TRNAU1AP: variants seen among roughly 807,000 people sequenced by gnomAD.
TRNAU1AP encodes tRNA selenocysteine 1-associated protein 1.
Under a neutral mutation model 43.3 loss-of-function variants are expected in TRNAU1AP, and 33 were observed. That is an observed-to-expected ratio of 0.76 (90% CI 0.58 to 1.02). The LOEUF is 1.02. Ranked by LOEUF, TRNAU1AP falls within the 50% of genes least tolerant of loss-of-function variation. The pLI, the probability that TRNAU1AP is intolerant of heterozygous loss-of-function variation, is 0.00. For synonymous variants in TRNAU1AP, 143 were observed against 129.1 expected (o/e 1.11, Z -0.73); for missense variants, 290 against 362.7 (o/e 0.80, Z 1.63).
At chr1:28,573,326 G>GC (rs1182534215) in intron 8 of TRNAU1AP, among the ~76,000 whole-genome samples, 2 of 145,150 alleles carry the variant, frequency 1.4e-5, no homozygotes, top group Non-Finnish European at 1.5e-5. Context: ...ACCGTGCCCA[G>GC]CCCATTATTA....
chr1:28,571,495 T>C lies in TRNAU1AP; in HGVS notation c.693+157T>C, dbSNP rs1665660638. Among the ~76,000 whole-genome samples the C allele has an allele frequency of 3.3e-5, 5 of 152,128 alleles. 1 individual carries two copies. The South Asian group carries it at 1.0e-3, about 32-fold the overall frequency. ...AGTTCCTCTTGTTAAAAATAAGCCA[T>C]TGTGGGTAGGGCCCAGTGGCTCACA... On this transcript the variant is annotated intron_variant, in intron 7 of 8. Coordinates refer to ENST00000373830, the MANE Select transcript of TRNAU1AP (RefSeq NM_017846.5).
intron 8 of TRNAU1AP, among the ~76,000 whole-genome samples, chr1:28,572,288 G>C (rs1370516676): frequency 6.6e-6 from 1 of 152,136 alleles, no homozygotes; most frequent in Non-Finnish European, 1.5e-5. Flanking sequence ...CCACCTGCCA[G>C]GTTCAAGCAA....
intron 6 of TRNAU1AP, among the ~76,000 whole-genome samples, chr1:28,568,327 C>T (rs533315819): frequency 6.6e-6 from 1 of 152,280 alleles, no homozygotes; most frequent in Admixed American, 6.5e-5. Context: ...ATCTCAAAGT[C>T]ACCCAGGCTG....
At position 28,553,256 on chromosome 1, in the gene TRNAU1AP, G is replaced by C. The variant is rs552108746; in HGVS notation, c.27+119G>C. On this transcript the variant is annotated intron_variant, in intron 1 of 8. Coordinates refer to ENST00000373830, the MANE Select transcript of TRNAU1AP (RefSeq NM_017846.5). ...CAGAAAGGGGAGACGTGTGACGGGG[G>C]TTCTTTTTGGTGACACAGAAGCGGG... The C allele has an allele frequency of 5.5e-4, 632 of 1,145,206 alleles. 1 individual carries two copies. The African/African-American group carries it at 9.3e-3, about 17-fold the overall frequency. 70.9% of individuals were successfully genotyped at this position (1,145,206 alleles called of 1,614,324 possible). A position where few individuals can be genotyped will look rare whatever the true frequency, so the allele number is the denominator to read the frequency against.
intron 6 of TRNAU1AP, among the ~76,000 whole-genome samples, chr1:28,570,048 C>T (rs1178144023): frequency 3.3e-5 from 5 of 151,992 alleles, no homozygotes; most frequent in Admixed American, 6.6e-5. Flanking sequence ...CTGTGGCTCA[C>T]GCCTGTAATC....
In TRNAU1AP at chr1:28,556,056, TGTTAGCCAGATG is replaced by T. The variant is rs1665255634; in HGVS notation, c.125+2322_125+2333del. On this transcript the variant is annotated intron_variant, in intron 2 of 8. Transcript: ENST00000373830. ...TTTTAGTAGAGATGGGGTTTCACCA[TGTTAGCCAGATG>T]GTCTCAATCTCATGACCTCGTGATC... Among the ~76,000 whole-genome samples, 4 of 152,224 alleles carry T rather than the reference TGTTAGCCAGATG, an allele frequency of 2.6e-5. No individual in the cohort carries two copies. In the South Asian group the frequency reaches 6.2e-4, roughly 24 times the overall value.
chr1:28,577,362 G>T, intron 8 of TRNAU1AP, 138 bp from the exon 9 acceptor site: 1 of 879,512 alleles, frequency 1.1e-6, no homozygotes, highest in Non-Finnish European at 1.8e-6. Context: ...ACCCTGCAAG[G>T]CAGTGCTTTC....
At chr1:28,576,147 C>T (rs2124221659) in intron 8 of TRNAU1AP, among the ~76,000 whole-genome samples, 1 of 146,970 alleles carries the variant, frequency 6.8e-6, no homozygotes, top group South Asian at 2.1e-4. Context: ...GCATGAGCCA[C>T]AGTGCCCAGT....
chr1:28,554,550 T>TA (rs1481498825), intron 2 of TRNAU1AP, among the ~76,000 whole-genome samples: 2 of 152,008 alleles, frequency 1.3e-5, no homozygotes, highest in Non-Finnish European at 2.9e-5. Flanking sequence ...CTTGAAGAGT[T>TA]ACAATAAATA....
chr1:28,567,346 A>C lies in TRNAU1AP; in HGVS notation c.463A>C (p.Thr155Pro). 1 of 1,613,816 alleles carries C rather than the reference A, an allele frequency of 6.2e-7. No individual in the cohort carries two copies. The highest frequency in any genetic ancestry group is 1.7e-5 in the Admixed American group (1 of 59,902). The part of the protein sequence containing the change: ...TDELEQKRAL[T>P]ECQGAVGLGS... The stretch of plus-strand genomic sequence containing the variant: ...TGAACTGGAACAGAAGCGAGCCCTG[A>C]CGGAGTGCCAGGGAGCAGTGGGACT... Residue 155 changes from threonine to proline, a missense_variant, in exon 6 of 9, where the codon ACG becomes CCG. Physicochemically the swap from Thr to Pro is conservative, Grantham distance 38. Coordinates refer to ENST00000373830, the MANE Select transcript of TRNAU1AP (RefSeq NM_017846.5).
chr1:28,571,756 C>G (rs1385885385), intron 7 of TRNAU1AP, 111 bp from the exon 8 acceptor site: 10 of 758,758 alleles, frequency 1.3e-5, no homozygotes, highest in Non-Finnish European at 2.2e-5. Context: ...ACACTCTAGT[C>G]TGGGTGACAG....
At chr1:28,574,418 G>A (rs970858180) in intron 8 of TRNAU1AP, among the ~76,000 whole-genome samples, 1 of 151,772 alleles carries the variant, frequency 6.6e-6, no homozygotes, top group Non-Finnish European at 1.5e-5. Flanking sequence ...GAATTTCACA[G>A]AAGAAAAAGG....
intron 8 of TRNAU1AP, among the ~76,000 whole-genome samples, chr1:28,573,544 G>A (rs1172413842): frequency 6.6e-6 from 1 of 151,850 alleles, no homozygotes; most frequent in Non-Finnish European, 1.5e-5. Flanking sequence ...AAGCCACGGC[G>A]GGAGGATCAC....
intron 6 of TRNAU1AP, among the ~76,000 whole-genome samples, chr1:28,568,586 C>A (rs556838041): frequency 1.3e-5 from 2 of 152,006 alleles, no homozygotes; most frequent in African/African-American, 2.4e-5. Flanking sequence ...GATCTTTTAT[C>A]CTTTAGCCAA....
chr1:28,560,588 A>G (rs759058673), intron 2 of TRNAU1AP, 45 bp from the exon 3 acceptor site: 1 of 1,550,070 alleles, frequency 6.5e-7, no homozygotes, highest in South Asian at 1.1e-5. Context: ...ATCTTGAGCC[A>G]TTTTATCTTT....
intron 2 of TRNAU1AP, among the ~76,000 whole-genome samples, chr1:28,558,460 C>G (rs901234959): frequency 6.6e-5 from 10 of 150,864 alleles, no homozygotes; most frequent in African/African-American, 2.4e-4. Context: ...TTGATGCGAT[C>G]TCAGCTCACT....
At chr1:28,553,467 G>A (rs933589971) in intron 1 of TRNAU1AP, 173 bp from the exon 2 acceptor site, 5 of 658,002 alleles carry the variant, frequency 7.6e-6, no homozygotes, top group African/African-American at 7.3e-5. Context: ...CCTAAAGCGG[G>A]GCAAGCTTGA....
Position 28,553,086 on chromosome 1 carries a change from C to G in TRNAU1AP, c.-25C>G. The G allele has an allele frequency of 6.6e-7, 1 of 1,526,014 alleles. No homozygotes were observed. The highest frequency in any genetic ancestry group is 8.8e-7 in the Non-Finnish European group (1 of 1,135,570). 94.5% of individuals were successfully genotyped at this position (1,526,014 alleles called of 1,614,324 possible). Reference sequence around the variant, plus strand: ...AGCCCCGCCCGCAGAGCCCCGCCCGCAAAGCCCCACCCCGGTGCGCGGGTA... The same window carrying G: ...AGCCCCGCCCGCAGAGCCCCGCCCGGAAAGCCCCACCCCGGTGCGCGGGTA... On this transcript the variant is annotated 5_prime_UTR_variant, in exon 1 of 9. Transcript: ENST00000373830.
At chr1:28,559,903 G>A (rs560920085) in intron 2 of TRNAU1AP, among the ~76,000 whole-genome samples, 305 of 152,214 alleles carry the variant, frequency 2.0e-3, no homozygotes, top group African/African-American at 7.0e-3. Context: ...AGGCCGAAGT[G>A]GGTGGATCTC....
Sources: gnomAD v4.1 joint callset for allele counts (sites outside exome capture counted in the v4.1 genomes callset) on GRCh38, gnomAD v4.1.1 for gene constraint, MANE v1.5 for transcripts, NCBI Gene and HGNC (gene_info 2026-07-23, HGNC 2026-07-21) for gene names.